BCAS3: variants seen among roughly 807,000 people sequenced by gnomAD.
The protein encoded by BCAS3 is BCAS4/BCAS3 fusion.
A neutral mutation model predicts 116.1 loss-of-function variants in BCAS3; 53 were observed. The ratio of observed to expected loss-of-function variants is 0.46; its 90% CI spans 0.37 to 0.57. BCAS3 has a LOEUF of 0.57. Ranked by LOEUF, BCAS3 falls within the 20% of genes least tolerant of loss-of-function variation. The probability of loss-of-function intolerance (pLI) is 0.00; values close to 1 mark genes in which losing one functional copy is unlikely to be tolerated. For missense variants in BCAS3, 917 were observed against 1,165.4 expected (o/e 0.79, Z 3.10); for synonymous variants, 391 against 408.2 (o/e 0.96, Z 0.51).
rs1419677518 is a variant in BCAS3, at chr17:61,214,642, G to T, written c.2425+130078G>T. 6.6e-6 allele frequency among the ~76,000 whole-genome samples: 1 copy of T among 151,890 alleles called. No individual in the cohort carries two copies. The highest frequency in any genetic ancestry group is 1.5e-5 in the Non-Finnish European group (1 of 68,004). ...GGAGGCGGAGCTTGCAGTGAGCCGAGATCGCGCCACTGCACTCCAGCCTGG... is the reference window on the plus strand; with the variant it reads ...GGAGGCGGAGCTTGCAGTGAGCCGATATCGCGCCACTGCACTCCAGCCTGG... On this transcript the variant is annotated intron_variant, in intron 22 of 23. Coordinates refer to ENST00000407086, the MANE Select transcript of BCAS3 (RefSeq NM_017679.5). This position sits in a 1 kb window ranked among gnomAD's most constrained non-coding sequence, Gnocchi z 4.4.
chr17:60,947,380 A>G, intron 14 of BCAS3, 28 bp downstream of exon 14: 1 of 1,601,738 alleles, frequency 6.2e-7, no homozygotes. Flanking sequence ...TCAGAAGGCG[A>G]TTTCTTGGTG....
At position 60,990,741 on chromosome 17, in the gene BCAS3, G is replaced by C. The variant is rs1186242118; in HGVS notation, c.1486+506G>C. The stretch of plus-strand genomic sequence containing the variant: ...GGCTGACTGCAACCTCTACCTCCCA[G>C]GTTCAAGCAATTCTCCTGCCTCAGC... On this transcript the variant is annotated intron_variant, in intron 15 of 23. Transcript: ENST00000407086. This position sits in a 1 kb window ranked among gnomAD's most constrained non-coding sequence, Gnocchi z 5.1. 2.0e-5 allele frequency among the ~76,000 whole-genome samples: 3 copies of C among 151,810 alleles called. No homozygotes were observed. The highest frequency in any genetic ancestry group is 4.4e-5 in the Non-Finnish European group (3 of 68,008).
chr17:60,993,166 T>C lies in BCAS3; in HGVS notation c.1486+2931T>C, dbSNP rs2063636901. On this transcript the variant is annotated intron_variant, in intron 15 of 23. Coordinates refer to ENST00000407086, the MANE Select transcript of BCAS3 (RefSeq NM_017679.5). The surrounding 1 kb of genome is among the most constrained non-coding windows in gnomAD (Gnocchi z 4.2). ...TGGGCATTCCTACCCTCATAGATCT[T>C]GTATTCCACGGGAAAAGACAGATAT... 2.0e-5 allele frequency among the ~76,000 whole-genome samples: 3 copies of C among 152,216 alleles called. No homozygotes were observed. The South Asian group carries it at 6.2e-4, about 31-fold the overall frequency.
Position 60,742,426 on chromosome 17 carries a change from CTTTTTTTTTTTTT to C in BCAS3, c.322-4760_322-4748del, listed in dbSNP as rs1173664552. ...AATCTTTCACAATTTTCCTTGACATCTTTTTTTTTTTTTTTTTTTTTTTTGAGACTGAGTCTTG... is the reference window on the plus strand; with the variant it reads ...AATCTTTCACAATTTTCCTTGACATCTTTTTTTTTTTGAGACTGAGTCTTG... On this transcript the variant is annotated intron_variant, in intron 5 of 23. Coordinates refer to ENST00000407086, the MANE Select transcript of BCAS3 (RefSeq NM_017679.5). Among the ~76,000 whole-genome samples, 4 of 103,450 alleles carry C rather than the reference CTTTTTTTTTTTTT, an allele frequency of 3.9e-5. No homozygotes were observed. The South Asian group carries it at 1.0e-3, about 26-fold the overall frequency. The allele number at this position is 103,450 out of a possible 152,430, so 67.9% of individuals were successfully genotyped here.
At chr17:61,172,168 C>T (rs1443702842) in intron 22 of BCAS3, among the ~76,000 whole-genome samples, 1 of 152,146 alleles carries the variant, frequency 6.6e-6, no homozygotes, top group Non-Finnish European at 1.5e-5. Flanking sequence ...GGAGATTCAA[C>T]ATCTCTTTCT....
chr17:61,027,351 G>C (rs1288319537), intron 16 of BCAS3: 1 of 450,114 alleles, frequency 2.2e-6, no homozygotes, highest in Non-Finnish European at 4.4e-6. Flanking sequence ...CATTTTATTT[G>C]GTCCTAAAGA....
At chr17:61,075,894 C>T (rs8072695) in intron 20 of BCAS3, among the ~76,000 whole-genome samples, 22,205 of 152,042 alleles carry the variant, frequency 0.15, 5,064 homozygotes, top group African/African-American at 0.49. Flanking sequence ...ACTGCAGGCA[C>T]GCATCACCAT....
At chr17:60,718,496 G>A (rs1598277258) in intron 5 of BCAS3, among the ~76,000 whole-genome samples, 1 of 152,084 alleles carries the variant, frequency 6.6e-6, no homozygotes, top group East Asian at 1.9e-4. Flanking sequence ...GGGCAGTGAT[G>A]CTATCTTTGC....
intron 22 of BCAS3, among the ~76,000 whole-genome samples, chr17:61,312,471 G>A (rs564571732): frequency 5.9e-5 from 9 of 152,326 alleles, no homozygotes; most frequent in African/African-American, 2.2e-4. Context: ...TGGACTCTCC[G>A]AACAATCTTG....
intron 23 of BCAS3, among the ~76,000 whole-genome samples, chr17:61,372,045 A>G (rs2059077492): frequency 6.6e-6 from 1 of 152,094 alleles, no homozygotes; most frequent in African/African-American, 2.4e-5. Flanking sequence ...TCACCCTTCC[A>G]TCTTTCCATT....
intron 7 of BCAS3, among the ~76,000 whole-genome samples, chr17:60,833,512 G>A (rs575780068): frequency 6.6e-6 from 1 of 152,272 alleles, no homozygotes; most frequent in Admixed American, 6.5e-5. Context: ...TGTGGTTACA[G>A]ATTGCTTCAT....
In BCAS3 at chr17:61,067,738, AAAAT is replaced by A. The variant is rs1455147874; in HGVS notation, c.2030-7180_2030-7177del. Among the ~76,000 whole-genome samples the A allele has an allele frequency of 1.3e-3, 183 of 139,192 alleles. 1 individual carries two copies. Among genetic ancestry groups the A allele is most frequent in the African/African-American group, 4.8e-3 (153 of 32,200 alleles). The allele number at this position is 139,192 out of a possible 152,430, so 91.3% of individuals were successfully genotyped here. On this transcript the variant is annotated intron_variant, in intron 19 of 23. Transcript: ENST00000407086. The stretch of plus-strand genomic sequence containing the variant: ...TCAAACAAACAAACAAAAAAAAAAA[AAAAT>A]ATATATATATATATAGAAACACACA...
intron 6 of BCAS3, among the ~76,000 whole-genome samples, chr17:60,750,397 T>C (rs1439251634): frequency 6.6e-6 from 1 of 152,210 alleles, no homozygotes. Flanking sequence ...AGTGTTGATA[T>C]ATTGAATGCT....
At chr17:61,375,208 A>AAAG (rs1370685171) in intron 23 of BCAS3, among the ~76,000 whole-genome samples, 2 of 130,634 alleles carry the variant, frequency 1.5e-5, no homozygotes, top group East Asian at 4.4e-4. Flanking sequence ...AGATGACCTA[A>AAAG]AAGCACTATT....
In BCAS3 at chr17:61,126,645, T is replaced by C. The variant is rs78212394; in HGVS notation, c.2425+42081T>C. ...AAATCAGGATACAATTTGGCACTTATGGAGACGAAATGATTTCCTTTTTAG... is the reference window on the plus strand; with the variant it reads ...AAATCAGGATACAATTTGGCACTTACGGAGACGAAATGATTTCCTTTTTAG... On this transcript the variant is annotated intron_variant, in intron 22 of 23. Coordinates refer to ENST00000407086, the MANE Select transcript of BCAS3 (RefSeq NM_017679.5). The surrounding 1 kb of genome is among the most constrained non-coding windows in gnomAD (Gnocchi z 4.6). Among the ~76,000 whole-genome samples the C allele has an allele frequency of 0.01, 1,529 of 152,320 alleles. 31 individuals are homozygous for C. Among genetic ancestry groups the C allele is most frequent in the African/African-American group, 0.035 (1,467 of 41,578 alleles).
At position 61,156,956 on chromosome 17, in the gene BCAS3, C is replaced by T. The variant is rs767194483; in HGVS notation, c.2425+72392C>T. ...TTCTACAACATTTAAACAGTTGAGG[C>T]ATCACTCTCCTATAAATTTAGTATT... On this transcript the variant is annotated intron_variant, in intron 22 of 23. Coordinates refer to ENST00000407086, the MANE Select transcript of BCAS3 (RefSeq NM_017679.5). This position sits in a 1 kb window ranked among gnomAD's most constrained non-coding sequence, Gnocchi z 4.7. 3.0e-4 allele frequency among the ~76,000 whole-genome samples: 45 copies of T among 152,190 alleles called. No homozygotes were observed. Among genetic ancestry groups the T allele is most frequent in the African/African-American group, 2.4e-5 (1 of 41,448 alleles).
intron 19 of BCAS3, among the ~76,000 whole-genome samples, chr17:61,055,483 C>A (rs1470668023): frequency 6.6e-6 from 1 of 152,194 alleles, no homozygotes; most frequent in African/African-American, 2.4e-5. Flanking sequence ...TAGACCCTTT[C>A]TTTGTCCATA....
intron 6 of BCAS3, among the ~76,000 whole-genome samples, chr17:60,776,753 C>T (rs1470261288): frequency 1.1e-4 from 16 of 149,790 alleles, no homozygotes; most frequent in African/African-American, 3.9e-4. Flanking sequence ...TGGTTGCTCA[C>T]GCATGTAATC....
intron 5 of BCAS3, among the ~76,000 whole-genome samples, chr17:60,725,572 A>G (rs1351637044): frequency 6.6e-6 from 1 of 152,056 alleles, no homozygotes; most frequent in Non-Finnish European, 1.5e-5. Flanking sequence ...ACCAGGAGTG[A>G]TTTTGTTCTC....
Sources: gnomAD v4.1 joint callset for allele counts (sites outside exome capture counted in the v4.1 genomes callset) on GRCh38, gnomAD v4.1.1 for gene constraint, Gnocchi (gnomAD v3.1) non-coding constraint, MANE v1.5 for transcripts, NCBI Gene and HGNC (gene_info 2026-07-23, HGNC 2026-07-21) for gene names.